Variants in DACH1 observed in about 807,000 individuals in gnomAD.
DACH1 encodes the protein dachshund homolog 1.
In DACH1, 12 loss-of-function variants were observed where a neutral mutation model predicts 54.2. That is an observed-to-expected ratio of 0.22 (90% CI 0.14 to 0.36). DACH1 has a LOEUF of 0.36. Among genes scored for constraint, DACH1 ranks in the 10% least tolerant of loss-of-function variants. The pLI, the probability that DACH1 is intolerant of heterozygous loss-of-function variation, is 1.00. For synonymous variants in DACH1, 386 were observed against 366.2 expected (o/e 1.05, Z -0.62); for missense variants, 805 against 929.8 (o/e 0.87, Z 1.75).
At chr13:71,521,368 A>G (rs1881586231) in intron 6 of DACH1, among the ~76,000 whole-genome samples, 1 of 152,042 alleles carries the variant, frequency 6.6e-6, no homozygotes, top group Admixed American at 6.6e-5. Flanking sequence ...AAATATACAC[A>G]TATGAATATG....
intron 3 of DACH1, among the ~76,000 whole-genome samples, chr13:71,591,379 A>G (rs1873698661): frequency 6.6e-6 from 1 of 152,226 alleles, no homozygotes; most frequent in African/African-American, 2.4e-5. Context: ...TCTTGGTTTC[A>G]GGACTTCTTT....
At chr13:71,613,970 G>A (rs1875554511) in intron 3 of DACH1, among the ~76,000 whole-genome samples, 1 of 152,270 alleles carries the variant, frequency 6.6e-6, no homozygotes, top group Non-Finnish European at 1.5e-5. Flanking sequence ...TTACAGACAT[G>A]AGCCACCACG....
chr13:71,853,829 A>G (rs915841037), intron 1 of DACH1, among the ~76,000 whole-genome samples: 3 of 152,094 alleles, frequency 2.0e-5, no homozygotes, highest in African/African-American at 7.2e-5. Context: ...TAACAAGCTC[A>G]TTTTTCATGC....
At chr13:71,637,330 C>T (rs1877562007) in intron 2 of DACH1, among the ~76,000 whole-genome samples, 1 of 152,128 alleles carries the variant, frequency 6.6e-6, no homozygotes, top group Non-Finnish European at 1.5e-5. Context: ...TCCATAAATG[C>T]TCACTGAAAC....
chr13:71,532,713 C>T (rs954589416), intron 6 of DACH1, among the ~76,000 whole-genome samples: 1 of 151,874 alleles, frequency 6.6e-6, no homozygotes, highest in Non-Finnish European at 1.5e-5. Flanking sequence ...GAAAAAAATG[C>T]TTCTATCTAA....
At chr13:71,659,892 T>C (rs1879380366) in intron 2 of DACH1, among the ~76,000 whole-genome samples, 1 of 152,148 alleles carries the variant, frequency 6.6e-6, no homozygotes, top group Admixed American at 6.6e-5. Context: ...TAGATGTTCA[T>C]GTTTCTAACA....
At chr13:71,596,106 T>C (rs1259937816) in intron 3 of DACH1, among the ~76,000 whole-genome samples, 4 of 150,602 alleles carry the variant, frequency 2.7e-5, no homozygotes, top group Non-Finnish European at 5.9e-5. Flanking sequence ...ATATATGTAT[T>C]TTTTTTTTAT....
Position 71,559,896 on chromosome 13 carries a change from G to A in DACH1, c.1359C>T (p.Gly453=). The change falls in exon 5 of 11, where the codon GGC becomes GGT. Residue 453 remains glycine (G), a synonymous_variant. Coordinates refer to ENST00000613252, the MANE Select transcript of DACH1 (RefSeq NM_080759.6). ...APSLEEGRRP[G]SHPSSHRSSS... is the part of the protein sequence containing the mutation. ...TGCTGCGATGTGATGATGGGTGACT[G>A]CCAGGCCTTCTCCCCTCCTCCAGAG... 6.2e-7 allele frequency: 1 copy of A among 1,610,472 alleles called. No individual in the cohort carries two copies. The highest frequency in any genetic ancestry group is 8.5e-7 in the Non-Finnish European group (1 of 1,178,428).
intron 1 of DACH1, among the ~76,000 whole-genome samples, chr13:71,736,487 A>AAT (rs1329044082): frequency 1.3e-5 from 2 of 152,206 alleles, no homozygotes; most frequent in East Asian, 1.9e-4. Flanking sequence ...CAGATTTTAA[A>AAT]ATATATATAT....
At chr13:71,789,106 G>C (rs1886727825) in intron 1 of DACH1, among the ~76,000 whole-genome samples, 1 of 152,032 alleles carries the variant, frequency 6.6e-6, no homozygotes, top group Non-Finnish European at 1.5e-5. Flanking sequence ...ATCTCACATG[G>C]ATAAAGTAAG....
chr13:71,608,016 G>A (rs1875007595), intron 3 of DACH1, among the ~76,000 whole-genome samples: 1 of 151,406 alleles, frequency 6.6e-6, no homozygotes. Flanking sequence ...TGAGAAAGAT[G>A]TAGATTATGA....
chr13:71,646,301 C>T (rs1487658349), intron 2 of DACH1, among the ~76,000 whole-genome samples: 1 of 150,402 alleles, frequency 6.6e-6, no homozygotes, highest in Non-Finnish European at 1.5e-5. Flanking sequence ...TGCGCCATTG[C>T]ACTCCAGCCT....
chr13:71,555,354 T>C (rs1021883731), intron 6 of DACH1, among the ~76,000 whole-genome samples: 3 of 151,974 alleles, frequency 2.0e-5, no homozygotes, highest in African/African-American at 7.2e-5. Flanking sequence ...TCTTTTCTTT[T>C]TTTTTTTGAC....
Position 71,866,167 on chromosome 13 carries a change from G to T in DACH1, c.603C>A (p.Phe201Leu). 6.2e-7 allele frequency: 1 copy of T among 1,613,046 alleles called. No homozygotes were observed. The change falls in exon 1 of 11, where the codon TTC becomes TTA. Residue 201 changes from phenylalanine (F) to leucine (L), a missense_variant. By Grantham distance (22) the Phe-to-Leu change is conservative. Around this residue, in one of 3 missense-constraint regions of DACH1, gnomAD observed 305 missense variants for 308.7 expected, o/e 0.99. Coordinates refer to ENST00000613252, the MANE Select transcript of DACH1 (RefSeq NM_080759.6). ...AGATCAGCTCGCAGCCCTCCACCGTGAAGGAAGCCACTTTGGCCCCCCTCA... is the reference window on the plus strand; with the variant it reads ...AGATCAGCTCGCAGCCCTCCACCGTTAAGGAAGCCACTTTGGCCCCCCTCA... ...VDLRGAKVAS[F>L]TVEGCELICL...
chr13:71,497,764 T>C (rs200351301), intron 6 of DACH1, among the ~76,000 whole-genome samples: 1 of 94,070 alleles, frequency 1.1e-5, no homozygotes, highest in Non-Finnish European at 2.4e-5. Flanking sequence ...TTGGTTAAAA[T>C]TGACTTTGAT....
intron 6 of DACH1, among the ~76,000 whole-genome samples, chr13:71,502,332 C>A (rs1295253388): frequency 6.6e-6 from 1 of 152,044 alleles, no homozygotes; most frequent in Non-Finnish European, 1.5e-5. Flanking sequence ...AGAATCTTCC[C>A]AGATGAGACT....
intron 10 of DACH1, among the ~76,000 whole-genome samples, chr13:71,454,365 C>T (rs1371338134): frequency 6.6e-6 from 1 of 152,124 alleles, no homozygotes; most frequent in African/African-American, 2.4e-5. Context: ...AGCAATGCCC[C>T]CTGCCTCCTA....
intron 1 of DACH1, among the ~76,000 whole-genome samples, chr13:71,767,425 T>C (rs1397026979): frequency 2.6e-5 from 4 of 152,058 alleles, no homozygotes. Flanking sequence ...AAATTAATCA[T>C]GGTGAATTGC....
At chr13:71,497,313 GTACCATAAGCCTGTGGTTTC>G (rs1879517480) in intron 6 of DACH1, among the ~76,000 whole-genome samples, 1 of 151,680 alleles carries the variant, frequency 6.6e-6, no homozygotes, top group Non-Finnish European at 1.5e-5. Context: ...TTCTGTTCTT[GTACCATAAGCCTGTGGTTTC>G]TTCCTTTTTT....
Sources: gnomAD v4.1 joint callset for allele counts (sites outside exome capture counted in the v4.1 genomes callset) on GRCh38, gnomAD v4.1.1 for gene constraint, gnomAD v4.1.1 regional missense constraint, MANE v1.5 for transcripts, NCBI Gene and HGNC (gene_info 2026-07-23, HGNC 2026-07-21) for gene names.